Variants in BEND7 observed in about 807,000 individuals in gnomAD.
The protein encoded by BEND7 is BEN domain containing 7.
BEND7 carries 28 observed loss-of-function variants against 50.9 expected under a neutral mutation model. The observed-to-expected ratio is 0.55, with a 90% CI of 0.41 to 0.75. The LOEUF is 0.75. Among genes scored for constraint, BEND7 ranks in the 30% least tolerant of loss-of-function variants. The pLI, the probability that BEND7 is intolerant of heterozygous loss-of-function variation, is 0.00. For missense variants in BEND7, 477 were observed against 491.3 expected, an observed-to-expected ratio of 0.97 and a Z score of 0.28; for synonymous variants, 170 against 183.9, an observed-to-expected ratio of 0.92 and a Z score of 0.61.
At chr10:13,462,598 G>C (rs1390257861) in intron 6 of BEND7, among the ~76,000 whole-genome samples, 1 of 152,182 alleles carries the variant, frequency 6.6e-6, no homozygotes, top group Non-Finnish European at 1.5e-5. Context: ...GGAACAGGGA[G>C]ATAGATCTGG....
chr10:13,515,679 G>T (rs527270254), intron 2 of BEND7, among the ~76,000 whole-genome samples: 1 of 152,164 alleles, frequency 6.6e-6, no homozygotes, highest in Admixed American at 6.5e-5. Context: ...ATGGTCACGC[G>T]GCCAAAATGT....
intron 2 of BEND7, among the ~76,000 whole-genome samples, chr10:13,508,873 G>A (rs2078082202): frequency 6.6e-6 from 1 of 152,176 alleles, no homozygotes; most frequent in South Asian, 2.1e-4. Flanking sequence ...TCTTCTGATC[G>A]ACGGGCAGGC....
At chr10:13,461,016 C>T (rs1002889892) in intron 6 of BEND7, among the ~76,000 whole-genome samples, 2 of 152,208 alleles carry the variant, frequency 1.3e-5, no homozygotes, top group Non-Finnish European at 2.9e-5. Context: ...CCTGCAATTA[C>T]ACACGCCGAG....
At chr10:13,468,132 G>A (rs978871196) in intron 6 of BEND7, among the ~76,000 whole-genome samples, 4 of 152,170 alleles carry the variant, frequency 2.6e-5, no homozygotes, top group African/African-American at 9.7e-5. Flanking sequence ...CGCAGTAAAT[G>A]ACATGCTCAT....
At position 13,452,668 on chromosome 10, in the gene BEND7, A is replaced by G. The variant is rs751401324; in HGVS notation, c.1064-10T>C. 6.4e-7 allele frequency: 1 copy of G among 1,573,702 alleles called. No homozygotes were observed. Among genetic ancestry groups the G allele is most frequent in the Non-Finnish European group, 8.6e-7 (1 of 1,160,490 alleles). On this transcript the variant is annotated splice_polypyrimidine_tract_variant and intron_variant, in intron 6 of 8. Transcript: ENST00000466271. ...TACTTTTCTGTGAAGACTGAAAGAA[A>G]ATGTAAAATATTGTTAAATACCTTA...
At chr10:13,484,663 G>C (rs1416414209) in intron 5 of BEND7, among the ~76,000 whole-genome samples, 2 of 152,224 alleles carry the variant, frequency 1.3e-5, no homozygotes, top group Admixed American at 1.3e-4. Flanking sequence ...ACAGATTTTA[G>C]TGATTACTGA....
chr10:13,468,476 C>G (rs956114214), intron 6 of BEND7, among the ~76,000 whole-genome samples: 7 of 152,104 alleles, frequency 4.6e-5, no homozygotes. Flanking sequence ...GAGAGAAATT[C>G]AAGTTACGGA....
intron 8 of BEND7, chr10:13,444,492 T>TA (rs1835872282): frequency 6.6e-6 from 1 of 152,144 alleles, no homozygotes; most frequent in African/African-American, 2.4e-5. Context: ...AAAAAAGTAA[T>TA]AAAAGCATTG....
At position 13,442,218 on chromosome 10, in the gene BEND7, C is replaced by G. The variant is rs369543363; in HGVS notation, c.1235-468G>C. 1.2e-3 allele frequency: 181 copies of G among 155,742 alleles called. 5 individuals carry two copies. The South Asian group carries it at 0.03, about 26-fold the overall frequency. The allele number at this position is 155,742 out of a possible 1,614,324, so 9.6% of individuals were successfully genotyped here. On this transcript the variant is annotated intron_variant, in intron 8 of 8. Coordinates refer to ENST00000466271, the MANE Select transcript of BEND7 (RefSeq NM_001369863.1). ...TGGGACTGAGTAGCCTCTACAATAA[C>G]TTTTAGCTCTTAACATTCTGTGCTT...
In BEND7 at chr10:13,506,723, G is replaced by A. The variant is rs144668489; in HGVS notation, c.146-6643C>T. Reference sequence around the variant, plus strand: ...CACGGAAGGCTCTGTGAATGGCAACGTCAGTCTACCAGGATTTTCAGGATG... The same window carrying A: ...CACGGAAGGCTCTGTGAATGGCAACATCAGTCTACCAGGATTTTCAGGATG... On this transcript the variant is annotated intron_variant, in intron 2 of 8. Transcript: ENST00000466271. 3.4e-3 allele frequency among the ~76,000 whole-genome samples: 515 copies of A among 152,242 alleles called. 9 individuals are homozygous for A. In the South Asian group the frequency reaches 0.055, roughly 16 times the overall value.
At chr10:13,487,301 G>A (rs753350571) in intron 5 of BEND7, among the ~76,000 whole-genome samples, 2 of 151,920 alleles carry the variant, frequency 1.3e-5, no homozygotes, top group Non-Finnish European at 2.9e-5. Flanking sequence ...GCTAATACAC[G>A]ATGAAGCAAA....
At chr10:13,482,633 A>G (rs749684170) in intron 5 of BEND7, among the ~76,000 whole-genome samples, 1 of 152,218 alleles carries the variant, frequency 6.6e-6, no homozygotes, top group Non-Finnish European at 1.5e-5. Flanking sequence ...TCCAAAATAG[A>G]ACTTTTAACT....
intron 6 of BEND7, among the ~76,000 whole-genome samples, chr10:13,457,287 T>C (rs1839191881): frequency 6.6e-6 from 1 of 152,366 alleles, no homozygotes; most frequent in African/African-American, 2.4e-5. Context: ...CTGTGGACTC[T>C]CTGCTCCCAT....
chr10:13,480,591 A>C, intron 6 of BEND7: 1 of 712,538 alleles, frequency 1.4e-6, no homozygotes, highest in Non-Finnish European at 1.6e-6. Context: ...ATTCTGAGGA[A>C]GCTCTTAGAA....
At chr10:13,454,434 C>T (rs1436936412) in intron 6 of BEND7, among the ~76,000 whole-genome samples, 1 of 138,480 alleles carries the variant, frequency 7.2e-6, no homozygotes, top group African/African-American at 2.5e-5. Flanking sequence ...CAGTGAGACC[C>T]TGTCTCAATC....
intron 1 of BEND7, among the ~76,000 whole-genome samples, chr10:13,526,943 T>C (rs1477790939): frequency 6.6e-6 from 1 of 152,240 alleles, no homozygotes; most frequent in African/African-American, 2.4e-5. Flanking sequence ...AGCTTCTCTA[T>C]GGAGGCTACT....
intron 6 of BEND7, among the ~76,000 whole-genome samples, 194 bp from the exon 7 acceptor site, chr10:13,452,852 T>C (rs1163366693): frequency 6.6e-6 from 1 of 152,194 alleles, no homozygotes; most frequent in Non-Finnish European, 1.5e-5. Context: ...GTCCAATGCA[T>C]TGTGCTTCAA....
chr10:13,498,405 A>G (rs1204182989), intron 3 of BEND7, among the ~76,000 whole-genome samples: 5 of 152,014 alleles, frequency 3.3e-5, no homozygotes, highest in African/African-American at 1.2e-4. Flanking sequence ...TAAAATATCT[A>G]TTTTCAAACT....
chr10:13,473,326 A>C (rs28525568), intron 6 of BEND7, among the ~76,000 whole-genome samples: 99,156 of 143,430 alleles, frequency 0.69, 33,413 homozygotes, highest in East Asian at 0.87. Flanking sequence ...AGACTCGGGG[A>C]TGGTATCCGT....
Sources: allele counts gnomAD v4.1 joint callset (sites outside exome capture counted in the v4.1 genomes callset), GRCh38; gene constraint gnomAD v4.1.1; transcripts MANE v1.5; gene names NCBI Gene and HGNC (gene_info 2026-07-23, HGNC 2026-07-21).